Variants in MMS22L observed in about 807,000 individuals in gnomAD.
MMS22L encodes MMS22 like, DNA repair protein, also known as protein MMS22-like.
In MMS22L, 74 loss-of-function variants were observed where a neutral mutation model predicts 159.1. That is an observed-to-expected ratio of 0.47 (90% CI 0.39 to 0.56). The LOEUF is 0.56. MMS22L is among the 20% of genes least tolerant of loss of function. The pLI, the probability that MMS22L is intolerant of heterozygous loss-of-function variation, is 0.00. For missense variants in MMS22L, 1,351 were observed against 1,422.1 expected (o/e 0.95, Z 0.80); for synonymous variants, 517 against 506.9 (o/e 1.02, Z -0.27).
intron 14 of MMS22L, among the ~76,000 whole-genome samples, chr6:97,213,647 G>A (rs1057455492): frequency 6.6e-6 from 1 of 152,042 alleles, no homozygotes; most frequent in Non-Finnish European, 1.5e-5. Context: ...TACATTCTTT[G>A]CAAGATACAT....
intron 16 of MMS22L, among the ~76,000 whole-genome samples, chr6:97,180,137 T>C (rs1804559167): frequency 6.6e-6 from 1 of 152,096 alleles, no homozygotes; most frequent in Non-Finnish European, 1.5e-5. Context: ...AGTCTCGCTC[T>C]GTTGCCCAGG....
At position 97,165,346 on chromosome 6, in the gene MMS22L, C is replaced by T; in HGVS notation, c.3121G>A (p.Val1041Ile). ...ACAGGATGTTGTCCAAGATCTGAAACATATGGTGAAGCTGGAAGAAATCGC... is the reference window on the plus strand; with the variant it reads ...ACAGGATGTTGTCCAAGATCTGAAATATATGGTGAAGCTGGAAGAAATCGC... ...IGRFLPASPY[V>I]SDLGQHPVLL... is the part of the protein sequence containing the mutation. Residue 1041 changes from valine to isoleucine, a missense_variant, in exon 21 of 25, where the codon GTT becomes ATT. Coordinates refer to ENST00000683635, the MANE Select transcript of MMS22L (RefSeq NM_001350599.2). The T allele has an allele frequency of 6.2e-7, 1 of 1,613,412 alleles. No individual in the cohort carries two copies. The highest frequency in any genetic ancestry group is 8.5e-7 in the Non-Finnish European group (1 of 1,179,658).
In MMS22L at chr6:97,208,810, C is replaced by A. The variant is rs117586484; in HGVS notation, c.2039+20084G>T. Among the ~76,000 whole-genome samples the A allele has an allele frequency of 5.2e-3, 787 of 152,158 alleles. 10 individuals carry two copies. Among genetic ancestry groups the A allele is most frequent in the East Asian group, 0.049 (252 of 5,174 alleles). On this transcript the variant is annotated intron_variant, in intron 14 of 24. Coordinates refer to ENST00000683635, the MANE Select transcript of MMS22L (RefSeq NM_001350599.2). ...ACCCAGGTCTACACTCTGGCCCTAA[C>A]TTCAAAGTCCTTCATAATCTGGTAT...
At chr6:97,205,515 T>C (rs1028954999) in intron 14 of MMS22L, among the ~76,000 whole-genome samples, 1 of 152,192 alleles carries the variant, frequency 6.6e-6, no homozygotes, top group Admixed American at 6.5e-5. Context: ...GGGACATGAA[T>C]TGTTCTGCAT....
chr6:97,215,745 T>C (rs142332088), intron 14 of MMS22L, among the ~76,000 whole-genome samples: 5 of 152,170 alleles, frequency 3.3e-5, no homozygotes, highest in African/African-American at 9.6e-5. Context: ...TGTATTACTT[T>C]TCAAGATAAA....
intron 22 of MMS22L, among the ~76,000 whole-genome samples, chr6:97,158,582 C>T (rs552889167): frequency 7.9e-5 from 12 of 152,260 alleles, no homozygotes; most frequent in South Asian, 2.1e-4. Context: ...AGTAGTCACT[C>T]GGGAGCAGCT....
At chr6:97,150,816 C>CTCTACCATGGT (rs1279728609) in intron 23 of MMS22L, among the ~76,000 whole-genome samples, 6 of 152,060 alleles carry the variant, frequency 3.9e-5, no homozygotes, top group Admixed American at 3.9e-4. Context: ...AGTGGTAAGG[C>CTCTACCATGGT]AGAGATAGGA....
At chr6:97,209,365 G>A (rs1335925171) in intron 14 of MMS22L, among the ~76,000 whole-genome samples, 1 of 151,786 alleles carries the variant, frequency 6.6e-6, no homozygotes, top group African/African-American at 2.4e-5. Context: ...AATATTCTGT[G>A]TGCTATCATA....
At chr6:97,156,007 T>G (rs1337780576) in intron 22 of MMS22L, among the ~76,000 whole-genome samples, 4 of 152,218 alleles carry the variant, frequency 2.6e-5, no homozygotes, top group Admixed American at 1.3e-4. Flanking sequence ...TTCCTGACTT[T>G]TTAATGATCA....
intron 18 of MMS22L, among the ~76,000 whole-genome samples, chr6:97,174,304 A>C (rs562776384): frequency 1.3e-5 from 2 of 152,182 alleles, no homozygotes; most frequent in South Asian, 2.1e-4. Flanking sequence ...TAAACTAATA[A>C]AATTTTCAAA....
intron 14 of MMS22L, among the ~76,000 whole-genome samples, chr6:97,214,974 A>G (rs1808831032): frequency 6.6e-6 from 1 of 150,992 alleles, no homozygotes; most frequent in Non-Finnish European, 1.5e-5. Context: ...AAGGGTGTAC[A>G]AGGTTTCTTG....
chr6:97,190,390 AT>A (rs1386968188), intron 14 of MMS22L, among the ~76,000 whole-genome samples: 2 of 152,228 alleles, frequency 1.3e-5, no homozygotes, highest in African/African-American at 4.8e-5. Context: ...ACACTTGGCA[AT>A]TGTTTTATTT....
At chr6:97,204,748 T>C (rs537832227) in intron 14 of MMS22L, among the ~76,000 whole-genome samples, 109 of 144,868 alleles carry the variant, frequency 7.5e-4, no homozygotes, top group African/African-American at 2.5e-3. Flanking sequence ...TGAGCCATGA[T>C]CGTGCCATTG....
Position 97,231,490 on chromosome 6 carries a change from C to T in MMS22L, c.1465G>A (p.Ala489Thr), listed in dbSNP as rs760853629. ...SSYTIFLCIL[A>T]KVVKKAMKSN... Reference sequence around the variant, plus strand: ...TTCATTGCTTTTTTAACAACTTTTGCCAGAATACAAAGAAAAATAGTATAA... The same window carrying T: ...TTCATTGCTTTTTTAACAACTTTTGTCAGAATACAAAGAAAAATAGTATAA... Residue 489 changes from alanine to threonine, a missense_variant, in exon 13 of 25, where the codon GCA becomes ACA. By Grantham distance (58) the Ala-to-Thr change is moderately conservative. Transcript: ENST00000683635. 1.9e-6 allele frequency: 3 copies of T among 1,613,658 alleles called. No homozygotes were observed. Among genetic ancestry groups the T allele is most frequent in the East Asian group, 2.2e-5 (1 of 44,830 alleles).
intron 2 of MMS22L, among the ~76,000 whole-genome samples, chr6:97,281,660 T>C (rs1410254649): frequency 6.6e-6 from 1 of 152,238 alleles, no homozygotes; most frequent in African/African-American, 2.4e-5. Context: ...TAGAATTTCA[T>C]CCTTTGAGGG....
At chr6:97,280,606 G>A (rs1023560118) in intron 3 of MMS22L, among the ~76,000 whole-genome samples, 2 of 152,100 alleles carry the variant, frequency 1.3e-5, no homozygotes, top group Non-Finnish European at 2.9e-5. Context: ...GAGCCACCGC[G>A]CCTGGCCGTC....
In MMS22L at chr6:97,186,482, ATAAT is replaced by A. The variant is rs775058400; in HGVS notation, c.2233+11_2233+14del. 1.3e-6 allele frequency: 2 copies of A among 1,599,108 alleles called. No individual in the cohort carries two copies. The highest frequency in any genetic ancestry group is 2.7e-5 in the African/African-American group (2 of 73,920). ...TGCAAAAAGAGAAATTAGCAAATTA[ATAAT>A]TAATGCTGACCTGCAGCTGCATCCG... On this transcript the variant is annotated intron_variant, in intron 15 of 24. Coordinates refer to ENST00000683635, the MANE Select transcript of MMS22L (RefSeq NM_001350599.2).
Position 97,278,884 on chromosome 6 carries a change from T to G in MMS22L, c.305A>C (p.Asn102Thr). Residue 102 changes from asparagine (N) to threonine (T), a missense_variant, in exon 4 of 25, where the codon AAC (asparagine) becomes ACC (threonine). By Grantham distance (65) the Asn-to-Thr change is moderately conservative (BLOSUM62 0). Coordinates refer to ENST00000683635, the MANE Select transcript of MMS22L (RefSeq NM_001350599.2). ...LFHLFRQQLY[N>T]LETLLQSSCD... Reference sequence around the variant, plus strand: ...ACTGGACTGTAACAAGGTTTCCAAGTTGTACAGTTGTTGCCTAATTTTAAA... The same window carrying G: ...ACTGGACTGTAACAAGGTTTCCAAGGTGTACAGTTGTTGCCTAATTTTAAA... 6.2e-7 allele frequency: 1 copy of G among 1,613,250 alleles called. No homozygotes were observed. Among genetic ancestry groups the G allele is most frequent in the Non-Finnish European group, 8.5e-7 (1 of 1,179,650 alleles).
chr6:97,148,819 G>GT (rs1341920751), intron 24 of MMS22L, among the ~76,000 whole-genome samples: 2 of 151,980 alleles, frequency 1.3e-5, no homozygotes, highest in African/African-American at 4.8e-5. Context: ...ATAGTGTACA[G>GT]TAATGGCCTA....
Sources: gnomAD v4.1 joint callset for allele counts (sites outside exome capture counted in the v4.1 genomes callset) on GRCh38, gnomAD v4.1.1 for gene constraint, MANE v1.5 for transcripts, NCBI Gene and HGNC (gene_info 2026-07-23, HGNC 2026-07-21) for gene names.